GALNT17: variants seen among roughly 807,000 people sequenced by gnomAD.
GALNT17 encodes polypeptide N-acetylgalactosaminyltransferase 17.
A neutral mutation model predicts 63.7 loss-of-function variants in GALNT17; 29 were observed. The ratio of observed to expected loss-of-function variants is 0.46; its 90% CI spans 0.34 to 0.62. GALNT17 has a LOEUF of 0.62. Among genes scored for constraint, GALNT17 ranks in the 20% least tolerant of loss-of-function variants. The pLI, the probability that GALNT17 is intolerant of heterozygous loss-of-function variation, is 0.01. For missense variants in GALNT17, 603 were observed against 799.6 expected (o/e 0.75, Z 2.97); for synonymous variants, 305 against 318.3 (o/e 0.96, Z 0.45).
rs369535513 is a variant in GALNT17 at position 71,546,092 on chromosome 7, TCAACAACAA to T, written c.963-25181_963-25173del. 3.6e-4 allele frequency among the ~76,000 whole-genome samples: 55 copies of T among 151,256 alleles called. No homozygotes were observed. The East Asian group carries it at 9.8e-3, about 27-fold the overall frequency. On this transcript the variant is annotated intron_variant, in intron 5 of 10. Transcript: ENST00000333538. The stretch of plus-strand genomic sequence containing the variant: ...GTGGGTAACATAGCAAGACCCTGTC[TCAACAACAA>T]CAACAACAACAGAAATCTCAAACCC...
chr7:71,564,038 A>G (rs1024377308), intron 5 of GALNT17, among the ~76,000 whole-genome samples: 2 of 151,990 alleles, frequency 1.3e-5, no homozygotes, highest in Non-Finnish European at 2.9e-5. Flanking sequence ...ATGTCCTTTC[A>G]TTATTTAATG....
At chr7:71,536,759 G>A (rs1562681091) in intron 5 of GALNT17, among the ~76,000 whole-genome samples, 1 of 152,208 alleles carries the variant, frequency 6.6e-6, no homozygotes, top group Non-Finnish European at 1.5e-5. Flanking sequence ...CAAGCTCCTT[G>A]TAGAATGGGA....
intron 1 of GALNT17, among the ~76,000 whole-genome samples, chr7:71,289,361 T>C (rs1790935983): frequency 6.6e-6 from 1 of 152,212 alleles, no homozygotes; most frequent in African/African-American, 2.4e-5. Flanking sequence ...GATATATTTA[T>C]ATGTAGTTTG....
At chr7:71,446,189 T>C (rs1191547419) in intron 5 of GALNT17, among the ~76,000 whole-genome samples, 1 of 152,200 alleles carries the variant, frequency 6.6e-6, no homozygotes, top group African/African-American at 2.4e-5. Context: ...TCCAGCCCAG[T>C]AGAGAAGAAC....
chr7:71,564,674 A>C lies in GALNT17; in HGVS notation c.963-6611A>C, dbSNP rs541580967. On this transcript the variant is annotated intron_variant, in intron 5 of 10. Transcript: ENST00000333538. The stretch of plus-strand genomic sequence containing the variant: ...GCTGCACTGGGCTTACCTCCTGCCC[A>C]TTCATCTGTGGGTTCTGATGAGGCC... Among the ~76,000 whole-genome samples the C allele has an allele frequency of 2.8e-4, 42 of 152,202 alleles. 1 individual carries two copies. The highest frequency in any genetic ancestry group is 2.1e-3 in the South Asian group (10 of 4,814).
intron 1 of GALNT17, among the ~76,000 whole-genome samples, chr7:71,326,342 T>C (rs3973938): frequency 0.64 from 97,099 of 151,870 alleles, 31,353 homozygotes; most frequent in African/African-American, 0.73. Flanking sequence ...ACTGTATTCC[T>C]AGCTTCGCAG....
intron 5 of GALNT17, among the ~76,000 whole-genome samples, chr7:71,513,202 T>C (rs533860296): frequency 1.1e-4 from 17 of 152,242 alleles, no homozygotes; most frequent in Admixed American, 3.9e-4. Flanking sequence ...CACTTTATTT[T>C]CATTTGCAGC....
At chr7:71,179,754 A>G (rs949285498) in intron 1 of GALNT17, among the ~76,000 whole-genome samples, 6 of 152,198 alleles carry the variant, frequency 3.9e-5, no homozygotes, top group African/African-American at 1.4e-4. Flanking sequence ...ACATCAAGCC[A>G]GTTACAGTTC....
In GALNT17 at chr7:71,160,861, T is replaced by G. The variant is rs1257201581; in HGVS notation, c.238+27821T>G. Among the ~76,000 whole-genome samples the G allele has an allele frequency of 2.0e-5, 3 of 152,196 alleles. No individual in the cohort carries two copies. The East Asian group carries it at 5.8e-4, about 29-fold the overall frequency. ...TTTTTATTTTGTTGTTTTTTACAGATAAGTCTCACTCCGTTGCCCAGGCTG... is the reference window on the plus strand; with the variant it reads ...TTTTTATTTTGTTGTTTTTTACAGAGAAGTCTCACTCCGTTGCCCAGGCTG... On this transcript the variant is annotated intron_variant, in intron 1 of 10. Transcript: ENST00000333538.
chr7:71,223,167 G>T (rs560262601), intron 1 of GALNT17, among the ~76,000 whole-genome samples: 1 of 152,076 alleles, frequency 6.6e-6, no homozygotes, highest in Non-Finnish European at 1.5e-5. Flanking sequence ...ATATATACTC[G>T]GAGGCTATGC....
chr7:71,459,200 G>C (rs1196232730), intron 5 of GALNT17, among the ~76,000 whole-genome samples: 1 of 152,140 alleles, frequency 6.6e-6, no homozygotes, highest in Non-Finnish European at 1.5e-5. Flanking sequence ...GGTTCAGAAT[G>C]ACTCTGGGGC....
At chr7:71,454,454 C>A (rs1787319751) in intron 5 of GALNT17, among the ~76,000 whole-genome samples, 1 of 152,144 alleles carries the variant, frequency 6.6e-6, no homozygotes, top group Admixed American at 6.5e-5. Flanking sequence ...TTTTCTTTAT[C>A]CAGTCTATCA....
chr7:71,335,724 G>A lies in GALNT17; in HGVS notation c.413G>A (p.Arg138His), dbSNP rs367824274. The A allele has an allele frequency of 8.7e-6, 14 of 1,601,216 alleles. No homozygotes were observed. Among genetic ancestry groups the A allele is most frequent in the Admixed American group, 1.7e-5 (1 of 58,616 alleles). Residue 138 changes from arginine (R) to histidine (H), a missense_variant, in exon 2 of 11, where the codon CGT becomes CAT. By Grantham distance (29) the Arg-to-His change is conservative. Coordinates refer to ENST00000333538, the MANE Select transcript of GALNT17 (RefSeq NM_022479.3). ...CTGGACCGTTCCATTCCGGATTATC[G>A]TCCCACCAAGTAAGTTCTGGTTCAG... ...ISLDRSIPDY[R>H]PTKCKELKYS...
At chr7:71,531,690 A>G (rs1307229892) in intron 5 of GALNT17, among the ~76,000 whole-genome samples, 5 of 152,130 alleles carry the variant, frequency 3.3e-5, no homozygotes, top group Non-Finnish European at 5.9e-5. Flanking sequence ...CCCAGGCTCA[A>G]GCGATCTTCC....
intron 1 of GALNT17, among the ~76,000 whole-genome samples, chr7:71,265,118 A>ATAT (rs1390488895): frequency 4.8e-4 from 18 of 37,460 alleles, no homozygotes; most frequent in African/African-American, 9.6e-4. Flanking sequence ...ATATATATAT[A>ATAT]TTTTTTTTTT....
intron 1 of GALNT17, among the ~76,000 whole-genome samples, chr7:71,333,259 C>T (rs141691486): frequency 1.3e-5 from 2 of 152,330 alleles, no homozygotes; most frequent in Non-Finnish European, 2.9e-5. Context: ...ACTATATGGT[C>T]TTCCGTGACT....
At chr7:71,457,707 C>T (rs1363192783) in intron 5 of GALNT17, among the ~76,000 whole-genome samples, 16 of 152,172 alleles carry the variant, frequency 1.1e-4, no homozygotes, top group Admixed American at 7.2e-4. Flanking sequence ...AGGTCACTCT[C>T]GTCTCCATCT....
chr7:71,208,393 C>T (rs563089001), intron 1 of GALNT17, among the ~76,000 whole-genome samples: 1 of 152,062 alleles, frequency 6.6e-6, no homozygotes, highest in South Asian at 2.1e-4. Flanking sequence ...CAAATACCCT[C>T]CCAGAAACAT....
chr7:71,478,458 C>T (rs528236071), intron 5 of GALNT17, among the ~76,000 whole-genome samples: 2 of 152,154 alleles, frequency 1.3e-5, no homozygotes, highest in African/African-American at 2.4e-5. Context: ...GAACCATAGG[C>T]GTGCCCCACC....
Sources: allele counts gnomAD v4.1 joint callset (sites outside exome capture counted in the v4.1 genomes callset), GRCh38; gene constraint gnomAD v4.1.1; transcripts MANE v1.5; gene names NCBI Gene and HGNC (gene_info 2026-07-23, HGNC 2026-07-21).